CNTNAP2: variants seen among roughly 807,000 people sequenced by gnomAD.
CNTNAP2 encodes contactin associated protein 2.
In CNTNAP2, 98 loss-of-function variants were observed where a neutral mutation model predicts 155.2. That is an observed-to-expected ratio of 0.63 (90% confidence interval 0.54 to 0.75). The LOEUF (loss-of-function observed/expected upper bound fraction) is 0.75. CNTNAP2 is among the 30% of genes least tolerant of loss of function. The probability of loss-of-function intolerance (pLI) is 0.00; values close to 1 mark genes in which losing one functional copy is unlikely to be tolerated. For synonymous variants in CNTNAP2, 651 were observed against 631.2 expected, an observed-to-expected ratio of 1.03 and a Z score of -0.47; for missense variants, 1,727 against 1,688.1, an observed-to-expected ratio of 1.02 and a Z score of -0.40.
At chr7:146,977,191 A>G (rs1313079856) in intron 3 of CNTNAP2, among the ~76,000 whole-genome samples, 4 of 152,240 alleles carry the variant, frequency 2.6e-5, no homozygotes, top group East Asian at 1.9e-4. Context: ...TTATGACTCA[A>G]TGTAAAACTT....
intron 8 of CNTNAP2, among the ~76,000 whole-genome samples, chr7:147,288,195 T>C (rs1805225887): frequency 6.6e-6 from 1 of 152,176 alleles, no homozygotes; most frequent in East Asian, 1.9e-4. Context: ...ATCATTCTTA[T>C]CTCTCTATTA....
chr7:146,230,218 G>A (rs1171087656), intron 1 of CNTNAP2, among the ~76,000 whole-genome samples: 2 of 152,204 alleles, frequency 1.3e-5, no homozygotes, highest in Non-Finnish European at 2.9e-5. Context: ...TAATGGAAGT[G>A]AGTATATAAG....
At chr7:146,471,147 C>T (rs913474918) in intron 1 of CNTNAP2, among the ~76,000 whole-genome samples, 3 of 152,084 alleles carry the variant, frequency 2.0e-5, no homozygotes, top group African/African-American at 7.2e-5. Context: ...AAGCAATAAA[C>T]AATACAGGTG....
Position 147,145,621 on chromosome 7 carries a change from G to A in CNTNAP2, c.1348+13112G>A, listed in dbSNP as rs553657105. On this transcript the variant is annotated intron_variant, in intron 8 of 23. Coordinates refer to ENST00000361727, the MANE Select transcript of CNTNAP2 (RefSeq NM_014141.6). ...CCCATACTGAATAACAAGTTAACAC[G>A]TTTAGACAAGCTGATTCCTGTAGTC... 2.8e-4 allele frequency among the ~76,000 whole-genome samples: 43 copies of A among 152,162 alleles called. 1 individual carries two copies. The highest frequency in any genetic ancestry group is 1.9e-4 in the African/African-American group (8 of 41,526).
At chr7:147,998,186 C>T (rs1392914063) in intron 15 of CNTNAP2, among the ~76,000 whole-genome samples, 1 of 147,494 alleles carries the variant, frequency 6.8e-6, no homozygotes, top group Non-Finnish European at 1.5e-5. Context: ...AACTCCGCTC[C>T]CTGCAACCTC....
intron 1 of CNTNAP2, among the ~76,000 whole-genome samples, chr7:146,201,633 CCCA>C (rs1798862165): frequency 8.5e-6 from 1 of 117,386 alleles, no homozygotes; most frequent in Admixed American, 1.0e-4. Context: ...TTTTAAATGT[CCCA>C]CGAGTGTGTG....
intron 14 of CNTNAP2, among the ~76,000 whole-genome samples, chr7:147,925,376 T>A (rs1268461821): frequency 6.6e-6 from 1 of 151,996 alleles, no homozygotes; most frequent in African/African-American, 2.4e-5. Flanking sequence ...ATATTTGTTA[T>A]ACTCATGAAC....
intron 12 of CNTNAP2, among the ~76,000 whole-genome samples, chr7:147,568,707 A>AT (rs1487157080): frequency 1.3e-5 from 2 of 152,174 alleles, no homozygotes; most frequent in Non-Finnish European, 2.9e-5. Flanking sequence ...TATTTCTAAC[A>AT]TTTCAGCTTT....
At chr7:146,747,749 C>T (rs1801833350) in intron 1 of CNTNAP2, among the ~76,000 whole-genome samples, 1 of 152,062 alleles carries the variant, frequency 6.6e-6, no homozygotes. Flanking sequence ...TAAACAAATA[C>T]GGATTCCTAA....
intron 15 of CNTNAP2, among the ~76,000 whole-genome samples, chr7:148,083,509 C>T (rs1563193558): frequency 6.6e-6 from 1 of 152,108 alleles, no homozygotes; most frequent in East Asian, 1.9e-4. Flanking sequence ...AAACCAGAGG[C>T]AGAGAGGAGA....
intron 10 of CNTNAP2, among the ~76,000 whole-genome samples, chr7:147,436,748 T>C (rs1165009948): frequency 1.1e-4 from 16 of 152,194 alleles, no homozygotes; most frequent in Non-Finnish European, 1.5e-5. Context: ...AAGTAAATTT[T>C]CTCCTATCTT....
chr7:146,388,248 T>C (rs1226257449), intron 1 of CNTNAP2, among the ~76,000 whole-genome samples: 2 of 151,870 alleles, frequency 1.3e-5, no homozygotes, highest in African/African-American at 4.8e-5. Context: ...CTGGGCAACA[T>C]GGCAAAACCC....
intron 15 of CNTNAP2, among the ~76,000 whole-genome samples, chr7:148,030,552 A>G (rs569066445): frequency 6.6e-6 from 1 of 151,980 alleles, no homozygotes; most frequent in East Asian, 1.9e-4. Flanking sequence ...AGGATTAGGG[A>G]TTCTCTAAGT....
intron 9 of CNTNAP2, among the ~76,000 whole-genome samples, chr7:147,363,200 GAGA>G (rs1796173284): frequency 6.6e-6 from 1 of 152,180 alleles, no homozygotes; most frequent in Non-Finnish European, 1.5e-5. Flanking sequence ...CCTATAAAAA[GAGA>G]AGGAGACTAG....
chr7:147,359,178 C>G (rs56366300), intron 9 of CNTNAP2, among the ~76,000 whole-genome samples: 26,687 of 152,026 alleles, frequency 0.18, 2,514 homozygotes, highest in African/African-American at 0.23. Context: ...GTTCATAAAC[C>G]TGTTCTGTTT....
At chr7:146,707,470 A>G (rs1800986239) in intron 1 of CNTNAP2, among the ~76,000 whole-genome samples, 1 of 152,148 alleles carries the variant, frequency 6.6e-6, no homozygotes, top group Admixed American at 6.6e-5. Context: ...CACTTGTTAG[A>G]AATTTCTTTC....
intron 13 of CNTNAP2, among the ~76,000 whole-genome samples, chr7:147,737,615 G>A (rs1441811947): frequency 6.6e-6 from 1 of 152,230 alleles, no homozygotes; most frequent in Admixed American, 6.5e-5. Flanking sequence ...TGCCCCCAGA[G>A]GTGGAGTCTA....
chr7:146,592,919 C>A (rs1037537029), intron 1 of CNTNAP2, among the ~76,000 whole-genome samples: 26 of 152,018 alleles, frequency 1.7e-4, no homozygotes, highest in African/African-American at 6.3e-4. Context: ...TCACTTAGCA[C>A]CCTCTCCTTA....
At chr7:147,969,153 A>C (rs1188107436) in intron 14 of CNTNAP2, among the ~76,000 whole-genome samples, 2 of 152,076 alleles carry the variant, frequency 1.3e-5, no homozygotes, top group Non-Finnish European at 2.9e-5. Flanking sequence ...AGGCTCAAGC[A>C]ATCCTCCCAC....
Sources: gnomAD v4.1 joint callset for allele counts (sites outside exome capture counted in the v4.1 genomes callset) on GRCh38, gnomAD v4.1.1 for gene constraint, MANE v1.5 for transcripts, NCBI Gene and HGNC (gene_info 2026-07-23, HGNC 2026-07-21) for gene names.